SLC5A1: variants seen among roughly 807,000 people sequenced by gnomAD.
SLC5A1 encodes the protein solute carrier family 5 member 1, also known as sodium/glucose cotransporter 1.
In SLC5A1, 42 loss-of-function variants were observed where a neutral mutation model predicts 73.5. That is an observed-to-expected ratio of 0.57 (90% CI 0.45 to 0.74). The LOEUF is 0.74. Among genes scored for constraint, SLC5A1 ranks in the 30% least tolerant of loss-of-function variants. SLC5A1 has a pLI of 0.00. For synonymous variants in SLC5A1, 300 were observed against 317.4 expected (o/e 0.95, Z 0.58); for missense variants, 634 against 855.4 (o/e 0.74, Z 3.23).
At position 32,110,960 on chromosome 22, in the gene SLC5A1, G is replaced by A. The variant is rs1325439745; in HGVS notation, c.*747G>A. On this transcript the variant is annotated 3_prime_UTR_variant, in exon 15 of 15. Transcript: ENST00000266088. ...CTCATTTTGGCATTCACAGTGCCTG[G>A]AATGTCTTAGATTTTCAGCAATGCG... 1.3e-5 allele frequency: 2 copies of A among 152,918 alleles called. No individual in the cohort carries two copies. Among genetic ancestry groups the A allele is most frequent in the African/African-American group, 4.8e-5 (2 of 41,438 alleles). 9.5% of individuals were successfully genotyped at this position (152,918 alleles called of 1,614,324 possible). A position where few individuals can be genotyped will look rare whatever the true frequency, so the allele number is the denominator to read the frequency against.
intron 2 of SLC5A1, among the ~76,000 whole-genome samples, chr22:32,066,004 C>A (rs2093972369): frequency 6.6e-6 from 1 of 152,230 alleles, no homozygotes; most frequent in Non-Finnish European, 1.5e-5. Context: ...ACCTTCTCCT[C>A]TTGGATACAG....
intron 2 of SLC5A1, among the ~76,000 whole-genome samples, chr22:32,050,589 G>A (rs1481417511): frequency 1.3e-5 from 2 of 152,164 alleles, no homozygotes; most frequent in Non-Finnish European, 2.9e-5. Flanking sequence ...GCATTCCTGG[G>A]GTTTAGGGGG....
intron 1 of SLC5A1, among the ~76,000 whole-genome samples, chr22:32,046,369 C>CTTTTTTTTTTTTTTTTTTT (rs130263): frequency 6.9e-6 from 1 of 145,376 alleles, no homozygotes; most frequent in Non-Finnish European, 1.5e-5. Context: ...TTCCTTTGCT[C>CTTTTTTTTTTTTTTTTTTT]TTTTTTTTTT....
intron 5 of SLC5A1, among the ~76,000 whole-genome samples, chr22:32,071,520 C>T (rs1288872292): frequency 6.6e-6 from 1 of 152,188 alleles, no homozygotes; most frequent in African/African-American, 2.4e-5. Flanking sequence ...TCAGCACTCT[C>T]TGCAAGAAGC....
intron 2 of SLC5A1, among the ~76,000 whole-genome samples, chr22:32,058,469 G>A (rs1182001237): frequency 6.6e-6 from 1 of 152,136 alleles, no homozygotes; most frequent in African/African-American, 2.4e-5. Flanking sequence ...AAATGACATA[G>A]CAATGAACAT....
chr22:32,064,543 A>C (rs2093969240), intron 2 of SLC5A1, among the ~76,000 whole-genome samples: 1 of 151,450 alleles, frequency 6.6e-6, no homozygotes, highest in Non-Finnish European at 1.5e-5. Flanking sequence ...AGCTTTGAGC[A>C]GAAGGAGGTA....
chr22:32,049,182 TC>T (rs375842357), intron 1 of SLC5A1, among the ~76,000 whole-genome samples: 97 of 29,364 alleles, frequency 3.3e-3, no homozygotes, highest in East Asian at 0.017. Flanking sequence ...TATATCTATA[TC>T]TATATCTATA....
chr22:32,099,105 A>AT (rs1448860989), intron 11 of SLC5A1, 78 bp from the exon 12 acceptor site: 700 of 57,466 alleles, frequency 0.012, 3 homozygotes, highest in East Asian at 0.036. Context: ...AAAAAAAAAA[A>AT]ATATATATAT....
chr22:32,067,922 C>T, intron 3 of SLC5A1, 45 bp from the exon 4 acceptor site: 1 of 1,606,918 alleles, frequency 6.2e-7, no homozygotes, highest in Non-Finnish European at 8.5e-7. Context: ...CAGGGATGGG[C>T]TAAGTTTCCT....
At chr22:32,105,555 A>G (rs141457650) in intron 14 of SLC5A1, among the ~76,000 whole-genome samples, 6,853 of 152,206 alleles carry the variant, frequency 0.045, 210 homozygotes, top group Non-Finnish European at 0.071. Context: ...TTGGCCTCCC[A>G]AAGTATTGGG....
At chr22:32,056,218 G>A (rs574845324) in intron 2 of SLC5A1, among the ~76,000 whole-genome samples, 4 of 152,086 alleles carry the variant, frequency 2.6e-5, no homozygotes, top group South Asian at 2.1e-4. Context: ...GTGAGGTCTC[G>A]CTATGTTGCG....
At chr22:32,049,674 C>T (rs1015602034) in intron 1 of SLC5A1, among the ~76,000 whole-genome samples, 2 of 151,946 alleles carry the variant, frequency 1.3e-5, no homozygotes, top group African/African-American at 2.4e-5. Context: ...GGTGGAGTGA[C>T]TTGCTGGAAG....
At chr22:32,066,100 C>A (rs2093972541) in intron 2 of SLC5A1, among the ~76,000 whole-genome samples, 1 of 152,174 alleles carries the variant, frequency 6.6e-6, no homozygotes, top group Non-Finnish European at 1.5e-5. Context: ...TGTGCAAGAT[C>A]CCTCTCTTGC....
At chr22:32,109,851 G>GGGGGAAATTT (rs1569319801) in intron 14 of SLC5A1, 139 bp from the exon 15 acceptor site, 2 of 680,298 alleles carry the variant, frequency 2.9e-6, no homozygotes, top group African/African-American at 3.6e-5. Flanking sequence ...AAGAAAATAT[G>GGGGGAAATTT]GGGGAAATTT....
chr22:32,078,726 G>A (rs996321343), intron 5 of SLC5A1, among the ~76,000 whole-genome samples: 2 of 151,994 alleles, frequency 1.3e-5, no homozygotes, highest in Non-Finnish European at 2.9e-5. Context: ...AGGCTGAGGT[G>A]GGTGGATCAC....
Position 32,043,390 on chromosome 22 carries a change from G to A in SLC5A1, c.109G>A (p.Val37Met), listed in dbSNP as rs1323265108. The change falls in exon 1 of 15, where the codon GTG becomes ATG. Residue 37 changes from valine (V) to methionine (M), a missense_variant. Val to Met is a conservative substitution (Grantham distance 21). Coordinates refer to ENST00000266088, the MANE Select transcript of SLC5A1 (RefSeq NM_000343.4). The surrounding 1 kb of genome is among the most constrained non-coding windows in gnomAD (Gnocchi z 6.5). ...TATCTCCATCATCGTTATCTACTTC[G>A]TGGTAGTGATGGCCGTCGGACTGTG... ...ADISIIVIYF[V>M]VVMAVGLWAM... 8 of 1,614,080 alleles carry A rather than the reference G, an allele frequency of 5.0e-6. No homozygotes were observed. The highest frequency in any genetic ancestry group is 2.2e-5 in the East Asian group (1 of 44,876).
At chr22:32,059,427 G>C in intron 2 of SLC5A1, 141 of 788,836 alleles carry the variant, frequency 1.8e-4, no homozygotes, top group Non-Finnish European at 2.0e-4. Context: ...GATGAGGGAA[G>C]TGTTTTTATA....
intron 4 of SLC5A1, among the ~76,000 whole-genome samples, chr22:32,068,240 A>G (rs1161095284): frequency 6.6e-6 from 1 of 152,130 alleles, no homozygotes; most frequent in Non-Finnish European, 1.5e-5. Context: ...CTCCTTAGTG[A>G]TGCCCAGTGA....
intron 10 of SLC5A1, among the ~76,000 whole-genome samples, chr22:32,087,562 C>T (rs774304629): frequency 2.0e-5 from 3 of 152,070 alleles, no homozygotes; most frequent in Non-Finnish European, 4.4e-5. Flanking sequence ...GCATTCAAGG[C>T]GGCTTGTCAC....
Sources: gnomAD v4.1 joint callset for allele counts (sites outside exome capture counted in the v4.1 genomes callset) on GRCh38, gnomAD v4.1.1 for gene constraint, Gnocchi (gnomAD v3.1) non-coding constraint, MANE v1.5 for transcripts, NCBI Gene and HGNC (gene_info 2026-07-23, HGNC 2026-07-21) for gene names.